The following TRIM31 variants were observed in gnomAD, a reference collection of about 807,000 sequenced individuals.
TRIM31 encodes the protein E3 ubiquitin-protein ligase TRIM31.
In TRIM31, 31 loss-of-function variants were observed where a neutral mutation model predicts 40.6. The observed-to-expected ratio is 0.76, with a 90% CI of 0.57 to 1.03. The LOEUF (loss-of-function observed/expected upper bound fraction) is 1.03. TRIM31 is among the 50% of genes least tolerant of loss of function. The pLI is 0.00. For synonymous variants in TRIM31, 164 were observed against 193.9 expected (o/e 0.85, Z 1.28); for missense variants, 455 against 497.5 (o/e 0.91, Z 0.81).
Position 30,110,612 on chromosome 6 carries a change from C to G in TRIM31, c.580G>C (p.Glu194Gln), listed in dbSNP as rs374444776. 6.2e-7 allele frequency: 1 copy of G among 1,614,240 alleles called. No homozygotes were observed. Among genetic ancestry groups the G allele is most frequent in the Non-Finnish European group, 8.5e-7 (1 of 1,180,044 alleles). Residue 194 changes from glutamate to glutamine, a missense_variant, in exon 4 of 9, where the codon GAG becomes CAG. By Grantham distance (29) the Glu-to-Gln change is conservative. Coordinates refer to ENST00000376734, the MANE Select transcript of TRIM31 (RefSeq NM_007028.5). The stretch of plus-strand genomic sequence containing the variant: ...CGTGATAGCAGGAAATTCTTCTCCT[C>G]CTCTAGGACTTGATGCAGGAGTTCA... ...EFELLHQVLEEEKNFLLSRIY... is the reference protein window; with the variant it reads ...EFELLHQVLEQEKNFLLSRIY...
At chr6:30,111,894 G>C in intron 2 of TRIM31, 151 bp from the exon 3 acceptor site, 1 of 704,076 alleles carries the variant, frequency 1.4e-6, no homozygotes, top group Non-Finnish European at 2.4e-6. Context: ...GCGGGGAAAG[G>C]GGTTGCTGAG....
At chr6:30,111,804 T>A (rs1265924664) in intron 2 of TRIM31, 61 bp from the exon 3 acceptor site, 1 of 1,515,256 alleles carries the variant, frequency 6.6e-7, no homozygotes, top group Non-Finnish European at 9.2e-7. Flanking sequence ...CATAAAATCC[T>A]CCTGGTCTCT....
At chr6:30,108,732 G>C in intron 5 of TRIM31, 1 of 553,398 alleles carries the variant, frequency 1.8e-6, no homozygotes, top group Non-Finnish European at 3.2e-6. Flanking sequence ...GGGTCAGGGA[G>C]ACAGAGTAGG....
intron 6 of TRIM31, 44 bp from the exon 7 acceptor site, chr6:30,105,286 G>A (rs772366936): frequency 2.7e-6 from 4 of 1,502,674 alleles, no homozygotes; most frequent in South Asian, 1.2e-5. Flanking sequence ...GTCCAGAGGG[G>A]TTGAGCAAAG....
In TRIM31 at chr6:30,112,361, G is replaced by C. The variant is rs1451169429; in HGVS notation, c.417+28C>G. 9 of 1,583,188 alleles carry C rather than the reference G, an allele frequency of 5.7e-6. No individual in the cohort carries two copies. In the South Asian group the frequency reaches 1.1e-4, roughly 19 times the overall value. On this transcript the variant is annotated intron_variant, in intron 2 of 8. Transcript: ENST00000376734. ...TCACTGAACTCCTGGGCTGATGGGG[G>C]AACAGGGAAGAAACCTCAAATGCCT...
At position 30,103,738 on chromosome 6, in the gene TRIM31, T is replaced by G; in HGVS notation, c.1076A>C (p.His359Pro). 2 of 1,611,386 alleles carry G rather than the reference T, an allele frequency of 1.2e-6. No individual in the cohort carries two copies. Among genetic ancestry groups the G allele is most frequent in the Non-Finnish European group, 8.5e-7 (1 of 1,179,660 alleles). Residue 359 changes from histidine to proline, a missense_variant, in exon 9 of 9, where the codon CAC becomes CCC. His to Pro is a moderately conservative substitution (Grantham distance 77). Transcript: ENST00000376734. ...PPNHHSSAPS[H>P]SLFRASSAGK... Reference sequence around the variant, plus strand: ...AGCAGACGAGGCCCGAAACAGGGAGTGGGATGGGGCTGAAGAGTGGTGATT... The same window carrying G: ...AGCAGACGAGGCCCGAAACAGGGAGGGGGATGGGGCTGAAGAGTGGTGATT...
Position 30,103,538 on chromosome 6 carries a change from A to C in TRIM31, c.1276T>G (p.Ter426GluextTer49). The C allele has an allele frequency of 1.9e-6, 3 of 1,612,592 alleles. No individual in the cohort carries two copies. Among genetic ancestry groups the C allele is most frequent in the East Asian group, 2.2e-5 (1 of 44,874 alleles). ...RAWFCEVPSS* is the reference protein window; with the variant it reads ...RAWFCEVPSSE The stretch of plus-strand genomic sequence containing the variant: ...CTCCCCGTGTTCTCTGAGCTGGCTT[A>C]GCTTGAAGGAACCTCACAAAACCAA... The change falls in exon 9 of 9, where the codon TAA (stop) becomes GAA (glutamate). Residue 426 changes from the stop codon to glutamate, a stop_lost. Coordinates refer to ENST00000376734, the MANE Select transcript of TRIM31 (RefSeq NM_007028.5).
Position 30,110,682 on chromosome 6 carries a change from A to G in TRIM31, c.514-4T>C. 6.2e-7 allele frequency: 1 copy of G among 1,613,976 alleles called. No homozygotes were observed. Among genetic ancestry groups the G allele is most frequent in the Non-Finnish European group, 8.5e-7 (1 of 1,179,866 alleles). ...GCTTCTCATGTTCTACCTGGTCCTA[A>G]GAAACAGGGACAGGCAGAGGGTGAG... On this transcript the variant is annotated splice_polypyrimidine_tract_variant and splice_region_variant and intron_variant, in intron 3 of 8. Transcript: ENST00000376734.
chr6:30,111,479 C>G (rs1769310220), intron 3 of TRIM31, 169 bp downstream of exon 3: 1 of 637,610 alleles, frequency 1.6e-6, no homozygotes, highest in African/African-American at 1.8e-5. Context: ...GCTGTAATAG[C>G]GAGGCCGACG....
chr6:30,104,607 C>T (rs374949309), intron 7 of TRIM31, among the ~76,000 whole-genome samples: 3 of 152,194 alleles, frequency 2.0e-5, no homozygotes, highest in Admixed American at 6.5e-5. Context: ...CCTCCCCTCC[C>T]GGAAGCTACA....
chr6:30,112,055 T>G, intron 2 of TRIM31: 1 of 548,000 alleles, frequency 1.8e-6, no homozygotes, highest in Non-Finnish European at 3.2e-6. Context: ...GTTGTTTTGT[T>G]TTTGCCATTT....
At chr6:30,106,822 C>G (rs1389211494) in intron 6 of TRIM31, among the ~76,000 whole-genome samples, 1 of 152,182 alleles carries the variant, frequency 6.6e-6, no homozygotes. Context: ...CTGGATCGGG[C>G]TGGACGTGGT....
Position 30,111,408 on chromosome 6 carries a change from A to C in TRIM31, c.513+240T>G, listed in dbSNP as rs571794277. 1.7e-5 allele frequency: 9 copies of C among 530,556 alleles called. No individual in the cohort carries two copies. In the East Asian group the frequency reaches 2.8e-4, roughly 16 times the overall value. The allele number at this position is 530,556 out of a possible 1,614,324, so 32.9% of individuals were successfully genotyped here. ...TTAAAAACCTGTACTTGCGATTCTA[A>C]GACCAGCGCGGGTTTTCCGTGCCCC... On this transcript the variant is annotated intron_variant, in intron 3 of 8. Coordinates refer to ENST00000376734, the MANE Select transcript of TRIM31 (RefSeq NM_007028.5).
At chr6:30,112,121 A>G (rs115712771) in intron 2 of TRIM31, 2 of 563,990 alleles carry the variant, frequency 3.5e-6, no homozygotes, top group Non-Finnish European at 6.2e-6. Flanking sequence ...CAGGTTGTAC[A>G]GTAAACTCAC....
chr6:30,109,178 C>T, intron 4 of TRIM31, 130 bp from the exon 5 acceptor site: 1 of 853,226 alleles, frequency 1.2e-6, no homozygotes, highest in Non-Finnish European at 2.0e-6. Context: ...CTCTCTTACC[C>T]CATCCTCCTC....
Position 30,103,300 on chromosome 6 carries a change from G to A in TRIM31, c.*236C>T. On this transcript the variant is annotated 3_prime_UTR_variant, in exon 9 of 9. Coordinates refer to ENST00000376734, the MANE Select transcript of TRIM31 (RefSeq NM_007028.5). ...AAGTCAAGCGTGGGGCGGGTGGCTG[G>A]AGATTGTCTCTTCCCCTCCTTTTGC... is the stretch of plus-strand genomic sequence containing the variant. The A allele has an allele frequency of 1.5e-6, 1 of 655,302 alleles. No homozygotes were observed. 40.6% of individuals were successfully genotyped at this position (655,302 alleles called of 1,614,324 possible). A position where few individuals can be genotyped will look rare whatever the true frequency, so the allele number is the denominator to read the frequency against.
At chr6:30,107,959 G>A in intron 6 of TRIM31, 94 bp downstream of exon 6, 1 of 843,212 alleles carries the variant, frequency 1.2e-6, no homozygotes, top group Non-Finnish European at 1.9e-6. Context: ...AGGGATTGTT[G>A]GCATGTATGA....
chr6:30,112,358 G>A, intron 2 of TRIM31, 31 bp downstream of exon 2: 1 of 1,581,026 alleles, frequency 6.3e-7, no homozygotes, highest in Non-Finnish European at 8.6e-7. Flanking sequence ...TGGGCTGATG[G>A]GGGAACAGGG....
At chr6:30,105,835 A>G (rs578018668) in intron 6 of TRIM31, among the ~76,000 whole-genome samples, 1 of 152,278 alleles carries the variant, frequency 6.6e-6, no homozygotes, top group Non-Finnish European at 1.5e-5. Flanking sequence ...TTGAGGCTTC[A>G]CCCTTTAGCT....
Sources: gnomAD v4.1 joint callset for allele counts (sites outside exome capture counted in the v4.1 genomes callset) on GRCh38, gnomAD v4.1.1 for gene constraint, MANE v1.5 for transcripts, NCBI Gene and HGNC (gene_info 2026-07-23, HGNC 2026-07-21) for gene names.